MAOB: variants seen among roughly 807,000 people sequenced by gnomAD.
MAOB encodes the protein monoamine oxidase B, also known as amine oxidase [flavin-containing] B.
Under a neutral mutation model 41.9 loss-of-function variants are expected in MAOB, and 15 were observed. The ratio of observed to expected loss-of-function variants is 0.36; its 90% CI spans 0.24 to 0.55. The LOEUF (loss-of-function observed/expected upper bound fraction) is 0.55. Ranked by LOEUF, MAOB falls within the 20% of genes least tolerant of loss-of-function variation. The pLI, the probability that MAOB is intolerant of heterozygous loss-of-function variation, is 0.86. For synonymous variants in MAOB, 167 were observed against 144.2 expected (o/e 1.16, Z -1.13); for missense variants, 345 against 398.7 (o/e 0.87, Z 1.15).
intron 1 of MAOB, among the ~76,000 whole-genome samples, chrX:43,880,045 T>C (rs1056302607): frequency 8.9e-6 from 1 of 112,155 alleles, no homozygotes; most frequent in African/African-American, 3.2e-5. Flanking sequence ...TCACCTTCCC[T>C]AGAATTTTTT....
Position 43,766,797 on chromosome X carries a change from A to C in MAOB, c.*669T>G, listed in dbSNP as rs1803940. Reference sequence around the variant, plus strand: ...ATACTGAGTAGCATTTGAGAAGTGTAAGACAACTTAGCACAGAGTAAACCC... The same window carrying C: ...ATACTGAGTAGCATTTGAGAAGTGTCAGACAACTTAGCACAGAGTAAACCC... On this transcript the variant is annotated 3_prime_UTR_variant, in exon 15 of 15. Coordinates refer to ENST00000378069, the MANE Select transcript of MAOB (RefSeq NM_000898.5). 2 of 112,071 alleles carry C rather than the reference A, an allele frequency of 1.8e-5. No individual in the cohort carries two copies. The allele number at this position is 112,071 out of a possible 1,213,427, so 9.2% of individuals were successfully genotyped here. A position where few individuals can be genotyped will look rare whatever the true frequency, so the allele number is the denominator to read the frequency against.
At chrX:43,866,643 A>G (rs2035367231) in intron 1 of MAOB, among the ~76,000 whole-genome samples, 1 of 112,801 alleles carries the variant, frequency 8.9e-6, no homozygotes, top group Non-Finnish European at 1.9e-5. Flanking sequence ...GATGGTGGTG[A>G]TAGTTGTGCA....
rs530014590 is a variant in MAOB, at chrX:43,801,033, A to G, written c.476+1139T>C. On this transcript the variant is annotated intron_variant, in intron 5 of 14. Coordinates refer to ENST00000378069, the MANE Select transcript of MAOB (RefSeq NM_000898.5). ...GCCGATCTTCTACTATTGGGCTTTCAGATCCTCCCTTTTAAAAATAATGCT... is the reference window on the plus strand; with the variant it reads ...GCCGATCTTCTACTATTGGGCTTTCGGATCCTCCCTTTTAAAAATAATGCT... Among the ~76,000 whole-genome samples the G allele has an allele frequency of 4.6e-5, 5 of 109,626 alleles. No homozygotes were observed. In the South Asian group the frequency reaches 1.7e-3, roughly 38 times the overall value.
At chrX:43,795,708 T>C in intron 7 of MAOB, 31 bp downstream of exon 7, 1 of 1,126,377 alleles carries the variant, frequency 8.9e-7, no homozygotes. Flanking sequence ...GGGATGAAGA[T>C]CAAATATATA....
At chrX:43,779,258 C>T (rs986442680) in intron 10 of MAOB, among the ~76,000 whole-genome samples, 2 of 111,788 alleles carry the variant, frequency 1.8e-5, no homozygotes, top group Non-Finnish European at 3.8e-5. Flanking sequence ...TTTGAACCCA[C>T]AGGGAAAAGA....
At chrX:43,851,274 C>T (rs1225021965) in intron 1 of MAOB, among the ~76,000 whole-genome samples, 1 of 111,640 alleles carries the variant, frequency 9.0e-6, no homozygotes, top group Non-Finnish European at 1.9e-5. Context: ...CATAAACATA[C>T]TCTCAAGAAA....
rs2034126065 is a variant in MAOB, at chrX:43,767,508, A to G, written c.1521T>C (p.Leu507=). 1 of 1,211,006 alleles carries G rather than the reference A, an allele frequency of 8.3e-7. No homozygotes were observed. The highest frequency in any genetic ancestry group is 1.1e-6 in the Non-Finnish European group (1 of 895,267). The change falls in exon 15 of 15, where the codon CTT becomes CTC. Residue 507 remains leucine (L), a synonymous_variant. Transcript: ENST00000378069. ...GCCCCCTTTTGTGGGCCAGGAAGCC[A>G]AGAGCCGTTGCTGAAAAGATGGTGG... The part of the protein sequence containing the change: ...GLTTIFSATA[L]GFLAHKRGLL...
rs150528983 is a variant in MAOB, at chrX:43,854,557, C to T, written c.47-10793G>A. Among the ~76,000 whole-genome samples, 10 of 111,473 alleles carry T rather than the reference C, an allele frequency of 9.0e-5. No homozygotes were observed. The Middle Eastern group carries it at 0.014, about 153-fold the overall frequency. On this transcript the variant is annotated intron_variant, in intron 1 of 14. Coordinates refer to ENST00000378069, the MANE Select transcript of MAOB (RefSeq NM_000898.5). Reference sequence around the variant, plus strand: ...GGAGAGCTTCAGGACAAATATCTAACGCATGCAGGGCTTAAAACCTAGATG... The same window carrying T: ...GGAGAGCTTCAGGACAAATATCTAATGCATGCAGGGCTTAAAACCTAGATG...
At chrX:43,855,397 T>C (rs191800267) in intron 1 of MAOB, among the ~76,000 whole-genome samples, 1 of 110,080 alleles carries the variant, frequency 9.1e-6, no homozygotes, top group African/African-American at 3.3e-5. Context: ...GTCTAGCATA[T>C]ACGTGTGTGT....
chrX:43,859,326 C>A (rs141639849), intron 1 of MAOB, among the ~76,000 whole-genome samples: 127 of 111,766 alleles, frequency 1.1e-3, no homozygotes, highest in African/African-American at 3.9e-3. Context: ...AGAAAGAATA[C>A]TTTAACATCT....
chrX:43,875,339 T>C (rs969718547), intron 1 of MAOB, among the ~76,000 whole-genome samples: 7 of 111,834 alleles, frequency 6.3e-5, no homozygotes, highest in African/African-American at 2.3e-4. Flanking sequence ...CGATCTTAAC[T>C]AGTAGGTAAA....
intron 9 of MAOB, among the ~76,000 whole-genome samples, chrX:43,780,866 A>T (rs768624408): frequency 9.0e-6 from 1 of 111,588 alleles, no homozygotes; most frequent in South Asian, 3.8e-4. Flanking sequence ...ATTAGCTTTG[A>T]TCTCTCTGTT....
chrX:43,780,834 C>G (rs1420870456), intron 9 of MAOB, among the ~76,000 whole-genome samples: 1 of 111,955 alleles, frequency 8.9e-6, no homozygotes, highest in African/African-American at 3.3e-5. Context: ...ATTTCTAGCC[C>G]CATGATTGCT....
Position 43,874,366 on chromosome X carries a change from C to T in MAOB, c.46+7888G>A, listed in dbSNP as rs911721897. On this transcript the variant is annotated intron_variant, in intron 1 of 14. Coordinates refer to ENST00000378069, the MANE Select transcript of MAOB (RefSeq NM_000898.5). ...TCTTCCCTTCTTTCTATCCCCATTT[C>T]TCTTGAAACCTCCCTTGGGCATTCA... Among the ~76,000 whole-genome samples the T allele has an allele frequency of 4.5e-5, 5 of 111,415 alleles. No homozygotes were observed. In the Admixed American group the frequency reaches 4.8e-4, roughly 11 times the overall value.
intron 1 of MAOB, among the ~76,000 whole-genome samples, chrX:43,846,055 A>G (rs1294849251): frequency 8.9e-6 from 1 of 112,252 alleles, no homozygotes; most frequent in African/African-American, 3.2e-5. Context: ...CCAGTTTCCT[A>G]ATTTTACCTC....
chrX:43,870,592 G>T (rs1228223994), intron 1 of MAOB, among the ~76,000 whole-genome samples: 2 of 109,455 alleles, frequency 1.8e-5, no homozygotes, highest in Non-Finnish European at 3.8e-5. Context: ...TCAGGAGATC[G>T]AGACCATCCC....
At position 43,780,395 on chromosome X, in the gene MAOB, T is replaced by G; in HGVS notation, c.1026A>C (p.Gly342=). 8.4e-7 allele frequency: 1 copy of G among 1,190,420 alleles called. No homozygotes were observed. Among genetic ancestry groups the G allele is most frequent in the Non-Finnish European group, 1.1e-6 (1 of 877,572 alleles). ...KPEGNYAAIM[G]FILAHKARKL... ...TTCTGGCTTTGTGGGCCAGGATAAA[T>G]CTAAAGAATATAAACAAGAAAAAGG... Residue 342 remains glycine, a splice_region_variant and synonymous_variant, in exon 10 of 15, where the codon GGA becomes GGC. Coordinates refer to ENST00000378069, the MANE Select transcript of MAOB (RefSeq NM_000898.5).
At position 43,817,138 on chromosome X, in the gene MAOB, T is replaced by TTC. The variant is rs757571597; in HGVS notation, c.280-13736_280-13735dup. On this transcript the variant is annotated intron_variant, in intron 3 of 14. Transcript: ENST00000378069. ...TCTTCATCTTCTTCTTCTTCTTCTTTTCTCTCTCTCTCTCTCTGCTATAGC... is the reference window on the plus strand; with the variant it reads ...TCTTCATCTTCTTCTTCTTCTTCTTTTCTCTCTCTCTCTCTCTCTGCTATAGC... Among the ~76,000 whole-genome samples the TTC allele has an allele frequency of 5.8e-4, 61 of 105,071 alleles. No individual in the cohort carries two copies. The Middle Eastern group carries it at 0.014, about 25-fold the overall frequency. The allele number at this position is 105,071 out of a possible 115,157, so 91.2% of individuals were successfully genotyped here. A position where few individuals can be genotyped will look rare whatever the true frequency, so the allele number is the denominator to read the frequency against.
chrX:43,838,450 A>T (rs758784978), intron 3 of MAOB, among the ~76,000 whole-genome samples: 9 of 112,427 alleles, frequency 8.0e-5, no homozygotes, highest in African/African-American at 2.9e-4. Flanking sequence ...TATATAGGCC[A>T]CAATGATAAA....
Sources: allele counts gnomAD v4.1 joint callset (sites outside exome capture counted in the v4.1 genomes callset), GRCh38; gene constraint gnomAD v4.1.1; transcripts MANE v1.5; gene names NCBI Gene and HGNC (gene_info 2026-07-23, HGNC 2026-07-21).